SLC17A1: variants seen among roughly 807,000 people sequenced by gnomAD.
The protein encoded by SLC17A1 is sodium-dependent phosphate transport protein 1.
A neutral mutation model predicts 53.5 loss-of-function variants in SLC17A1; 51 were observed. That is an observed-to-expected ratio of 0.95 (90% CI 0.76 to 1.20). The LOEUF (loss-of-function observed/expected upper bound fraction) is 1.20. Among genes scored for constraint, SLC17A1 ranks in the 50% most tolerant of loss-of-function variants. SLC17A1 has a pLI of 0.00. For synonymous variants in SLC17A1, 179 were observed against 198.8 expected (o/e 0.90, Z 0.84); for missense variants, 538 against 568.2 (o/e 0.95, Z 0.54).
intron 11 of SLC17A1, 36 bp downstream of exon 11, chr6:25,800,854 A>G (rs377729986): frequency 2.4e-4 from 304 of 1,277,302 alleles, no homozygotes; most frequent in Admixed American, 7.4e-4. Flanking sequence ...TACAATTAAT[A>G]TTGGAAAAAT....
the SLC17A1 span, among the ~76,000 whole-genome samples, chr6:25,740,392 TA>T: frequency 1.3e-5 from 2 of 151,990 alleles, no homozygotes; most frequent in African/African-American, 4.8e-5. Context: ...CATTTTTTTT[TA>T]AATTGGGTTT....
At chr6:25,800,370 C>CT (rs1205018743) in intron 11 of SLC17A1, among the ~76,000 whole-genome samples, 20 of 151,904 alleles carry the variant, frequency 1.3e-4, no homozygotes, top group African/African-American at 4.8e-5. Flanking sequence ...TTTTGCTTTA[C>CT]TTTTTTTGCA....
At chr6:25,823,045 C>T (rs1241890432) in intron 3 of SLC17A1, among the ~76,000 whole-genome samples, 2 of 152,024 alleles carry the variant, frequency 1.3e-5, no homozygotes, top group Admixed American at 6.5e-5. Context: ...TAAGGGAATG[C>T]TACGGTATGT....
At chr6:25,724,511 T>C in the SLC17A1 span, among the ~76,000 whole-genome samples, 2 of 152,270 alleles carry the variant, frequency 1.3e-5, no homozygotes, top group Non-Finnish European at 2.9e-5. Flanking sequence ...TCACAATTTT[T>C]TAATATATTT....
chr6:25,757,208 C>T, the SLC17A1 span, among the ~76,000 whole-genome samples: 10 of 152,274 alleles, frequency 6.6e-5, no homozygotes, highest in African/African-American at 1.7e-4. Flanking sequence ...TTTAGTGGTA[C>T]GTTACATAAC....
At chr6:25,775,488 T>G in the SLC17A1 span, among the ~76,000 whole-genome samples, 1 of 152,062 alleles carries the variant, frequency 6.6e-6, no homozygotes. Flanking sequence ...CAGGCTGGAG[T>G]GCAGTGTTTC....
Position 25,812,894 on chromosome 6 carries a change from A to T in SLC17A1, c.834T>A (p.His278Gln). Residue 278 changes from histidine (H) to glutamine (Q), a missense_variant, in exon 8 of 13, where the codon CAT becomes CAA. By Grantham distance (24) the His-to-Gln change is conservative. Transcript: ENST00000244527. ...TTGGAGTGTATAGTGTCATGATGTT[A>T]TGTGACCAGAAAAACGTAAAACTAC... is the stretch of plus-strand genomic sequence containing the variant. ...STGSFTFFWSHNIMTLYTPMF... is the reference protein window; with the variant it reads ...STGSFTFFWSQNIMTLYTPMF... 6.2e-7 allele frequency: 1 copy of T among 1,613,328 alleles called. No homozygotes were observed. Among genetic ancestry groups the T allele is most frequent in the Non-Finnish European group, 8.5e-7 (1 of 1,179,212 alleles).
the SLC17A1 span, among the ~76,000 whole-genome samples, chr6:25,761,112 GT>G: frequency 2.0e-5 from 3 of 152,184 alleles, no homozygotes; most frequent in African/African-American, 7.2e-5. Flanking sequence ...CTGGGGATGA[GT>G]TCTCAGACAA....
chr6:25,773,044 G>A, the SLC17A1 span, among the ~76,000 whole-genome samples: 3 of 152,202 alleles, frequency 2.0e-5, no homozygotes, highest in Non-Finnish European at 4.4e-5. Context: ...CCTTTTTAAT[G>A]CCTAGGCTTG....
chr6:25,777,883 T>G, the SLC17A1 span: 1 of 1,518,924 alleles, frequency 6.6e-7, no homozygotes, highest in Admixed American at 1.7e-5. Flanking sequence ...CTTTCAAACG[T>G]AGGTATACTT....
chr6:25,727,218 C>T, the SLC17A1 span: 45 of 1,613,940 alleles, frequency 2.8e-5, no homozygotes, highest in African/African-American at 5.3e-4. Flanking sequence ...GCGCTTGCTA[C>T]TGCCGGGAGA....
chr6:25,780,364 G>C (rs1455310807), downstream of SLC17A1: 6 of 152,166 alleles, frequency 3.9e-5, no homozygotes, highest in African/African-American at 1.4e-4. Flanking sequence ...TGGGTTATGA[G>C]AGTGGATGAT....
At chr6:25,780,247 A>C (rs1365941201), downstream of SLC17A1, 1 of 152,238 alleles carries the variant, frequency 6.6e-6, no homozygotes, top group African/African-American at 2.4e-5. Context: ...AAATCAAATC[A>C]TACACAGTAT....
At chr6:25,784,998 C>T (rs149665072) in intron 12 of SLC17A1, among the ~76,000 whole-genome samples, 219 of 152,144 alleles carry the variant, frequency 1.4e-3, no homozygotes, top group African/African-American at 4.6e-3. Flanking sequence ...TATAATCTTG[C>T]TTACAGAAAT....
chr6:25,768,232 A>T, the SLC17A1 span: 1 of 263,898 alleles, frequency 3.8e-6, no homozygotes, highest in Non-Finnish European at 5.9e-6. Flanking sequence ...ACACAAAATG[A>T]AACCATGCTG....
the SLC17A1 span, chr6:25,769,158 T>C: frequency 6.2e-7 from 1 of 1,614,028 alleles, no homozygotes; most frequent in East Asian, 2.2e-5. Flanking sequence ...CCAGGGCTAC[T>C]GGAATGAAAC....
downstream of SLC17A1, chr6:25,779,026 T>C: frequency 3.1e-6 from 5 of 1,612,704 alleles, no homozygotes; most frequent in Non-Finnish European, 4.2e-6. Context: ...TGGGTGACCG[T>C]TAATAACTTG....
At chr6:25,769,810 G>A in the SLC17A1 span, among the ~76,000 whole-genome samples, 1 of 151,486 alleles carries the variant, frequency 6.6e-6, no homozygotes, top group African/African-American at 2.4e-5. Flanking sequence ...TGCTTATGAT[G>A]CTTTCTTCTT....
chr6:25,743,145 T>C, the SLC17A1 span, among the ~76,000 whole-genome samples: 1 of 152,140 alleles, frequency 6.6e-6, no homozygotes, highest in Admixed American at 6.5e-5. Flanking sequence ...GAAGTTTTTA[T>C]AAAAAAGGTG....
Sources: allele counts gnomAD v4.1 joint callset (sites outside exome capture counted in the v4.1 genomes callset), GRCh38; gene constraint gnomAD v4.1.1; transcripts MANE v1.5; gene names NCBI Gene and HGNC (gene_info 2026-07-23, HGNC 2026-07-21).